The following PDE1C variants were observed in gnomAD, a reference collection of about 807,000 sequenced individuals.
The protein encoded by PDE1C is phosphodiesterase 1C.
Under a neutral mutation model 93.1 loss-of-function variants are expected in PDE1C, and 62 were observed. That is an observed-to-expected ratio of 0.67 (90% CI 0.54 to 0.82). The LOEUF (loss-of-function observed/expected upper bound fraction) is 0.82, where lower values mean the gene tolerates loss of function less well. PDE1C is among the 40% of genes least tolerant of loss of function. The probability of loss-of-function intolerance (pLI) is 0.00; values close to 1 mark genes in which losing one functional copy is unlikely to be tolerated. For synonymous variants in PDE1C, 325 were observed against 310.1 expected, an observed-to-expected ratio of 1.05 and a Z score of -0.50; for missense variants, 742 against 884.6, an observed-to-expected ratio of 0.84 and a Z score of 2.04.
intron 2 of PDE1C, among the ~76,000 whole-genome samples, chr7:31,986,192 A>G (rs906782162): frequency 2.6e-5 from 4 of 152,192 alleles, no homozygotes; most frequent in Admixed American, 2.0e-4. Flanking sequence ...GCTGTTGAGA[A>G]GAATCCTTCC....
chr7:32,181,571 G>C (rs1462710590), intron 2 of PDE1C, among the ~76,000 whole-genome samples: 14 of 152,060 alleles, frequency 9.2e-5, no homozygotes, highest in Non-Finnish European at 1.6e-4. Context: ...ACGAAATGAA[G>C]GCAGAAATAA....
At chr7:32,417,238 T>C (rs1020874543) in intron 1 of PDE1C, among the ~76,000 whole-genome samples, 1 of 151,308 alleles carries the variant, frequency 6.6e-6, no homozygotes, top group African/African-American at 2.4e-5. Context: ...AAAGCATGAG[T>C]GAATCCCAGT....
chr7:31,705,000 G>GAAAT, the PDE1C span, among the ~76,000 whole-genome samples: 4 of 152,106 alleles, frequency 2.6e-5, no homozygotes, highest in African/African-American at 9.7e-5. Context: ...TGATATCCAT[G>GAAAT]AAATCAAGAT....
chr7:31,832,953 G>C (rs565605751), intron 11 of PDE1C, among the ~76,000 whole-genome samples: 6 of 152,224 alleles, frequency 3.9e-5, no homozygotes, highest in African/African-American at 1.2e-4. Flanking sequence ...AATACTCCTA[G>C]CTGTAGAGGG....
chr7:31,827,524 T>C (rs1269266376), intron 12 of PDE1C, among the ~76,000 whole-genome samples: 1 of 152,148 alleles, frequency 6.6e-6, no homozygotes, highest in Non-Finnish European at 1.5e-5. Context: ...ATATATAATT[T>C]GTCTTTGTTC....
chr7:31,756,212 T>C (rs540796621), intron 17 of PDE1C, among the ~76,000 whole-genome samples: 1 of 152,104 alleles, frequency 6.6e-6, no homozygotes, highest in Non-Finnish European at 1.5e-5. Flanking sequence ...TAACTTTATA[T>C]AGAGAAATCT....
chr7:32,189,761 AT>A (rs1168638440), intron 2 of PDE1C, among the ~76,000 whole-genome samples: 1 of 152,184 alleles, frequency 6.6e-6, no homozygotes, highest in Non-Finnish European at 1.5e-5. Context: ...TCCAGAAAAA[AT>A]AGAGGCTTTA....
chr7:32,203,805 C>T (rs925437015), intron 2 of PDE1C, among the ~76,000 whole-genome samples: 2 of 152,158 alleles, frequency 1.3e-5, no homozygotes, highest in African/African-American at 4.8e-5. Flanking sequence ...GTCCTGTGGC[C>T]ATAACTTTTG....
intron 3 of PDE1C, among the ~76,000 whole-genome samples, chr7:32,111,234 A>C (rs1418617603): frequency 6.6e-6 from 1 of 152,186 alleles, no homozygotes; most frequent in Non-Finnish European, 1.5e-5. Context: ...ATATATAACT[A>C]GTTCACCATC....
intron 17 of PDE1C, among the ~76,000 whole-genome samples, chr7:31,753,907 G>A (rs985923502): frequency 2.0e-5 from 3 of 152,188 alleles, no homozygotes; most frequent in Non-Finnish European, 2.9e-5. Context: ...ATCATTAACA[G>A]CATTTAGCAT....
chr7:31,929,198 T>A (rs982859497), intron 2 of PDE1C, among the ~76,000 whole-genome samples: 7 of 152,058 alleles, frequency 4.6e-5, no homozygotes, highest in African/African-American at 1.7e-4. Flanking sequence ...AAAAGGGCAT[T>A]ACATAATGGT....
chr7:32,199,264 T>A (rs1804837824), intron 2 of PDE1C, among the ~76,000 whole-genome samples: 1 of 152,218 alleles, frequency 6.6e-6, no homozygotes, highest in African/African-American at 2.4e-5. Flanking sequence ...TATCTGCCAA[T>A]AGATTTTTTA....
At chr7:31,866,351 C>T (rs893776329) in intron 6 of PDE1C, among the ~76,000 whole-genome samples, 5 of 152,140 alleles carry the variant, frequency 3.3e-5, no homozygotes, top group Non-Finnish European at 7.4e-5. Context: ...GAATTCATTA[C>T]CATTTTTAAA....
chr7:31,947,841 G>C (rs1478196171), intron 2 of PDE1C, among the ~76,000 whole-genome samples: 2 of 152,148 alleles, frequency 1.3e-5, no homozygotes, highest in African/African-American at 4.8e-5. Flanking sequence ...GTTCAACATA[G>C]ATTTTTAAGG....
intron 1 of PDE1C, among the ~76,000 whole-genome samples, chr7:32,320,842 A>T (rs1049089351): frequency 2.0e-5 from 3 of 152,188 alleles, no homozygotes; most frequent in Non-Finnish European, 4.4e-5. Context: ...TCTGTCCTAT[A>T]TTGTCACCAG....
the PDE1C span, among the ~76,000 whole-genome samples, chr7:31,665,484 T>C: frequency 5.3e-5 from 8 of 152,310 alleles, no homozygotes; most frequent in East Asian, 1.4e-3. Flanking sequence ...TGGTACATAG[T>C]AAGTTCACAA....
chr7:31,904,578 C>T (rs531074546), intron 2 of PDE1C, among the ~76,000 whole-genome samples: 3 of 151,850 alleles, frequency 2.0e-5, no homozygotes, highest in African/African-American at 7.2e-5. Flanking sequence ...CATACTACTT[C>T]GACTCACTAT....
At chr7:31,795,082 G>A (rs1193636657) in intron 16 of PDE1C, among the ~76,000 whole-genome samples, 1 of 151,922 alleles carries the variant, frequency 6.6e-6, no homozygotes, top group Non-Finnish European at 1.5e-5. Flanking sequence ...ATGCCCATCA[G>A]TGGAGAATGC....
At chr7:32,326,461 A>G (rs77086029) in intron 1 of PDE1C, among the ~76,000 whole-genome samples, 2,276 of 152,302 alleles carry the variant, frequency 0.015, 62 homozygotes, top group African/African-American at 0.052. Context: ...CCTGCTAAGG[A>G]GGCTGTACAG....
Sources: allele counts gnomAD v4.1 joint callset (sites outside exome capture counted in the v4.1 genomes callset), GRCh38; gene constraint gnomAD v4.1.1; transcripts MANE v1.5; gene names NCBI Gene and HGNC (gene_info 2026-07-23, HGNC 2026-07-21).